The following RBM46 variants were observed in gnomAD, a reference collection of about 807,000 sequenced individuals.
RBM46 encodes the protein probable RNA-binding protein 46.
In RBM46, 12 loss-of-function variants were observed where a neutral mutation model predicts 43.3. That is an observed-to-expected ratio of 0.28 (90% CI 0.18 to 0.45). The LOEUF is 0.45. RBM46 is among the 20% of genes least tolerant of loss of function. The pLI is 1.00. For missense variants in RBM46, 412 were observed against 639.1 expected (o/e 0.64, Z 3.83); for synonymous variants, 205 against 207.6 (o/e 0.99, Z 0.11).
chr4:154,823,161 T>G (rs1735796439), intron 4 of RBM46, among the ~76,000 whole-genome samples: 1 of 151,836 alleles, frequency 6.6e-6, no homozygotes, highest in Non-Finnish European at 1.5e-5. Flanking sequence ...TGTTATGAAG[T>G]CAGTTCCAAA....
chr4:154,785,036 TC>T (rs1445145324), intron 1 of RBM46, among the ~76,000 whole-genome samples: 1 of 152,210 alleles, frequency 6.6e-6, no homozygotes, highest in Non-Finnish European at 1.5e-5. Flanking sequence ...TTTTGAACTT[TC>T]TTGTGAATTA....
intron 4 of RBM46, 73 bp downstream of exon 4, chr4:154,799,637 T>G: frequency 9.0e-7 from 1 of 1,116,696 alleles, no homozygotes; most frequent in Non-Finnish European, 1.2e-6. Flanking sequence ...TTAAATTCAT[T>G]TATTTTGAAC....
chr4:154,804,052 C>T (rs35352986), intron 4 of RBM46, among the ~76,000 whole-genome samples: 34,098 of 152,148 alleles, frequency 0.22, 4,264 homozygotes, highest in Middle Eastern at 0.3. Context: ...ATGGGATGTG[C>T]CTGCCTCTGC....
intron 1 of RBM46, among the ~76,000 whole-genome samples, chr4:154,792,474 T>G (rs900199567): frequency 6.6e-6 from 1 of 152,320 alleles, no homozygotes; most frequent in South Asian, 2.1e-4. Context: ...CTTCCGTGTC[T>G]CATTCATTGA....
chr4:154,795,142 A>G (rs1734288612), intron 1 of RBM46, among the ~76,000 whole-genome samples: 1 of 152,198 alleles, frequency 6.6e-6, no homozygotes, highest in Non-Finnish European at 1.5e-5. Context: ...CTTATATGCA[A>G]AGACCTATTT....
intron 4 of RBM46, among the ~76,000 whole-genome samples, chr4:154,819,768 A>G (rs1360103592): frequency 1.3e-5 from 2 of 152,172 alleles, no homozygotes; most frequent in African/African-American, 4.8e-5. Context: ...CATCCATAAC[A>G]GAAAGCTTTA....
intron 4 of RBM46, among the ~76,000 whole-genome samples, chr4:154,816,500 ACTTAT>A (rs1447605298): frequency 1.3e-5 from 2 of 152,112 alleles, no homozygotes; most frequent in Admixed American, 6.6e-5. Flanking sequence ...ATAAAAAATA[ACTTAT>A]CTTAATTTCA....
In RBM46 at chr4:154,822,248, A is replaced by G. The variant is rs573353965; in HGVS notation, c.1403-5620A>G. On this transcript the variant is annotated intron_variant, in intron 4 of 4. Coordinates refer to ENST00000281722, the MANE Select transcript of RBM46 (RefSeq NM_144979.5). ...AAAAGTTGCCCGATGCCCCATTGTA[A>G]TCCATTCTTCCTTCCATTCTCTTTC... 1.5e-3 allele frequency among the ~76,000 whole-genome samples: 227 copies of G among 151,730 alleles called. 1 individual carries two copies. Among genetic ancestry groups the G allele is most frequent in the African/African-American group, 5.1e-3 (213 of 41,470 alleles).
intron 4 of RBM46, among the ~76,000 whole-genome samples, chr4:154,814,545 A>T (rs1007317999): frequency 7.2e-4 from 110 of 152,140 alleles, no homozygotes; most frequent in African/African-American, 2.6e-3. Context: ...TTGGTAATTT[A>T]AATCCCAGCA....
chr4:154,806,314 C>CT (rs1409518408), intron 4 of RBM46, among the ~76,000 whole-genome samples: 1 of 151,830 alleles, frequency 6.6e-6, no homozygotes, highest in African/African-American at 2.4e-5. Flanking sequence ...AGAATCCTTT[C>CT]TCAGCCATCA....
chr4:154,814,536 T>C (rs1469940612), intron 4 of RBM46, among the ~76,000 whole-genome samples: 1 of 152,022 alleles, frequency 6.6e-6, no homozygotes, highest in Non-Finnish European at 1.5e-5. Context: ...TCTTATACAT[T>C]GGTAATTTAA....
At chr4:154,811,677 G>T (rs966465305) in intron 4 of RBM46, among the ~76,000 whole-genome samples, 1 of 145,286 alleles carries the variant, frequency 6.9e-6, no homozygotes, top group East Asian at 2.0e-4. Flanking sequence ...GTCTGTGTGT[G>T]TGTGTGTGTG....
At position 154,799,454 on chromosome 4, in the gene RBM46, T is replaced by C; in HGVS notation, c.1292T>C (p.Val431Ala). Residue 431 changes from valine to alanine, a missense_variant, in exon 4 of 5, where the codon GTT (valine) becomes GCT (alanine). Around this residue, in one of 8 missense-constraint regions of RBM46, gnomAD observed 149 missense variants for 156.3 expected, o/e 0.95. Transcript: ENST00000281722. The stretch of plus-strand genomic sequence containing the variant: ...AAAGTACTCTTGGTGTATAAGATAG[T>C]TATTCCTGCTATTGCAAATGGATCC... Reference protein sequence around the residue: ...DGKVLLVYKIVIPAIANGSQS... With the variant: ...DGKVLLVYKIAIPAIANGSQS... 1 of 1,613,946 alleles carries C rather than the reference T, an allele frequency of 6.2e-7. No individual in the cohort carries two copies.
intron 4 of RBM46, among the ~76,000 whole-genome samples, chr4:154,818,741 A>T (rs764275773): frequency 6.6e-6 from 1 of 152,028 alleles, no homozygotes; most frequent in African/African-American, 2.4e-5. Context: ...TAACCTGTGT[A>T]TTGATTATAT....
intron 1 of RBM46, among the ~76,000 whole-genome samples, chr4:154,789,880 A>G (rs958764584): frequency 4.6e-5 from 7 of 152,042 alleles, no homozygotes; most frequent in African/African-American, 1.2e-4. Context: ...GAGGGATTCA[A>G]CTTCTTCCTG....
chr4:154,782,937 G>T (rs759483585), intron 1 of RBM46, among the ~76,000 whole-genome samples: 1 of 152,192 alleles, frequency 6.6e-6, no homozygotes, highest in Admixed American at 6.5e-5. Context: ...ATAATGGGAA[G>T]ATATTTTCGT....
chr4:154,791,029 TGAAG>T (rs902658114), intron 1 of RBM46, among the ~76,000 whole-genome samples: 7 of 152,212 alleles, frequency 4.6e-5, no homozygotes, highest in African/African-American at 1.7e-4. Context: ...ACCACACTTT[TGAAG>T]GAAGAAGAGA....
At chr4:154,826,129 T>G (rs1296976592) in intron 4 of RBM46, among the ~76,000 whole-genome samples, 6 of 149,150 alleles carry the variant, frequency 4.0e-5, no homozygotes, top group Non-Finnish European at 4.4e-5. Flanking sequence ...ACCAAACCCT[T>G]CAGGTGAAGT....
chr4:154,789,292 G>A (rs934767049), intron 1 of RBM46, among the ~76,000 whole-genome samples: 3 of 152,172 alleles, frequency 2.0e-5, no homozygotes, highest in Admixed American at 6.6e-5. Context: ...CGCCCATTCA[G>A]TATGATACTG....
Sources: gnomAD v4.1 joint callset for allele counts (sites outside exome capture counted in the v4.1 genomes callset) on GRCh38, gnomAD v4.1.1 for gene constraint, gnomAD v4.1.1 regional missense constraint, MANE v1.5 for transcripts, NCBI Gene and HGNC (gene_info 2026-07-23, HGNC 2026-07-21) for gene names.